Variants in SYT1 observed in about 807,000 individuals in gnomAD.
SYT1 encodes synaptotagmin-1.
SYT1 carries 8 observed loss-of-function variants against 44.8 expected under a neutral mutation model. That is an observed-to-expected ratio of 0.18 (90% CI 0.10 to 0.32). The LOEUF (loss-of-function observed/expected upper bound fraction) is 0.32. Among genes scored for constraint, SYT1 ranks in the 10% least tolerant of loss-of-function variants. The pLI, the probability that SYT1 is intolerant of heterozygous loss-of-function variation, is 1.00. For synonymous variants in SYT1, 154 were observed against 188.8 expected, an observed-to-expected ratio of 0.82 and a Z score of 1.51; for missense variants, 286 against 509.3, an observed-to-expected ratio of 0.56 and a Z score of 4.22.
intron 8 of SYT1, among the ~76,000 whole-genome samples, chr12:79,314,598 G>A (rs1013789775): frequency 1.3e-5 from 2 of 152,118 alleles, no homozygotes; most frequent in African/African-American, 4.8e-5. Flanking sequence ...TGAAAAAATT[G>A]GAATTCTTAT....
intron 3 of SYT1, among the ~76,000 whole-genome samples, chr12:79,053,765 A>T (rs1412177644): frequency 1.3e-5 from 2 of 151,756 alleles, no homozygotes; most frequent in Non-Finnish European, 2.9e-5. Context: ...TGTTTTTGTG[A>T]ACATTTGCCT....
intron 2 of SYT1, among the ~76,000 whole-genome samples, chr12:79,015,042 C>T (rs1592663742): frequency 2.6e-5 from 4 of 151,422 alleles, no homozygotes; most frequent in African/African-American, 9.7e-5. Flanking sequence ...AGGGGAACAT[C>T]ACACTCTGGG....
chr12:79,374,573 G>A (rs1883918692), intron 9 of SYT1, among the ~76,000 whole-genome samples: 1 of 152,096 alleles, frequency 6.6e-6, no homozygotes, highest in Non-Finnish European at 1.5e-5. Context: ...GATGTAAAGA[G>A]GCACTAAACC....
At chr12:78,867,714 T>C (rs1002730632) in intron 1 of SYT1, among the ~76,000 whole-genome samples, 8 of 152,028 alleles carry the variant, frequency 5.3e-5, no homozygotes, top group Non-Finnish European at 7.4e-5. Context: ...TGTTGCTGAG[T>C]AGTTTTGAAC....
At chr12:79,169,379 A>G (rs1213366856) in intron 3 of SYT1, among the ~76,000 whole-genome samples, 5 of 150,812 alleles carry the variant, frequency 3.3e-5, no homozygotes, top group Non-Finnish European at 7.5e-5. Context: ...GGTATGAAAA[A>G]TGCTTCAAAA....
chr12:79,418,909 C>A (rs1472363034), intron 9 of SYT1, among the ~76,000 whole-genome samples: 1 of 152,120 alleles, frequency 6.6e-6, no homozygotes, highest in Non-Finnish European at 1.5e-5. Flanking sequence ...CCTGAGGCCC[C>A]ACCCCAGAAC....
intron 1 of SYT1, among the ~76,000 whole-genome samples, chr12:78,927,679 T>C (rs997998687): frequency 6.6e-6 from 1 of 152,112 alleles, no homozygotes; most frequent in African/African-American, 2.4e-5. Flanking sequence ...AAGGAAAAAA[T>C]ATATTAGCTT....
At chr12:78,898,419 T>C (rs1294827884) in intron 1 of SYT1, among the ~76,000 whole-genome samples, 2 of 152,090 alleles carry the variant, frequency 1.3e-5, no homozygotes, top group Non-Finnish European at 2.9e-5. Flanking sequence ...TTCCTTTTGG[T>C]TATTTTATCA....
At chr12:79,064,971 A>AGAAAGAAAGAAAGAAAGAAGGAAG (rs1875704192) in intron 3 of SYT1, among the ~76,000 whole-genome samples, 6 of 149,232 alleles carry the variant, frequency 4.0e-5, no homozygotes, top group African/African-American at 1.5e-4. Context: ...AAAGAAAGAA[A>AGAAAGAAAGAAAGAAAGAAGGAAG]GAAAGAAAGA....
chr12:79,040,697 C>T (rs566456971), intron 2 of SYT1, among the ~76,000 whole-genome samples: 1 of 152,196 alleles, frequency 6.6e-6, no homozygotes, highest in East Asian at 1.9e-4. Context: ...AAGTCCTTGC[C>T]CATGCCTATG....
intron 9 of SYT1, among the ~76,000 whole-genome samples, chr12:79,399,958 A>G (rs1263964129): frequency 1.3e-5 from 2 of 152,238 alleles, no homozygotes; most frequent in African/African-American, 4.8e-5. Context: ...AGAAGCTTCT[A>G]GAGATCTTTA....
At chr12:79,122,289 C>T (rs1338148951) in intron 3 of SYT1, among the ~76,000 whole-genome samples, 1 of 151,380 alleles carries the variant, frequency 6.6e-6, no homozygotes, top group Non-Finnish European at 1.5e-5. Flanking sequence ...CCGAGGCGGG[C>T]GGATCACGAG....
At chr12:79,438,943 T>G (rs1262683116) in intron 9 of SYT1, among the ~76,000 whole-genome samples, 1 of 152,022 alleles carries the variant, frequency 6.6e-6, no homozygotes, top group Non-Finnish European at 1.5e-5. Flanking sequence ...AAACAGACAG[T>G]ATAGAGTTTT....
In SYT1 at chr12:78,997,892, C is replaced by A. The variant is rs148114817; in HGVS notation, c.-84+19961C>A. The stretch of plus-strand genomic sequence containing the variant: ...AGAAGTGAGACTGACTCCACAGTCA[C>A]CCCATCTTTCTCTTAGTGATCCTGG... On this transcript the variant is annotated intron_variant, in intron 2 of 10. Transcript: ENST00000261205. Among the ~76,000 whole-genome samples, 938 of 152,232 alleles carry A rather than the reference C, an allele frequency of 6.2e-3. 12 individuals carry two copies. Among genetic ancestry groups the A allele is most frequent in the African/African-American group, 0.022 (895 of 41,542 alleles).
At chr12:79,184,800 T>C (rs900574854) in intron 3 of SYT1, among the ~76,000 whole-genome samples, 12 of 152,190 alleles carry the variant, frequency 7.9e-5, no homozygotes, top group Middle Eastern at 3.4e-3. Flanking sequence ...AAATCTAATT[T>C]GCACCCCAGT....
chr12:79,405,151 A>G (rs2136122158), intron 9 of SYT1, among the ~76,000 whole-genome samples: 1 of 152,304 alleles, frequency 6.6e-6, no homozygotes, highest in African/African-American at 2.4e-5. Flanking sequence ...AGCATTTTCT[A>G]AAGTATTGGA....
At chr12:79,043,800 G>A (rs1329045749) in intron 2 of SYT1, among the ~76,000 whole-genome samples, 2 of 152,082 alleles carry the variant, frequency 1.3e-5, no homozygotes, top group Admixed American at 6.6e-5. Context: ...CTTCCTTCAG[G>A]AGCTCTTTTA....
At chr12:79,180,186 T>TA (rs1157134198) in intron 3 of SYT1, among the ~76,000 whole-genome samples, 1 of 130,558 alleles carries the variant, frequency 7.7e-6, no homozygotes, top group African/African-American at 3.1e-5. Context: ...TTGTCCTTCC[T>TA]AAAATAACCA....
At chr12:78,909,229 A>T (rs1045888825) in intron 1 of SYT1, among the ~76,000 whole-genome samples, 5 of 151,988 alleles carry the variant, frequency 3.3e-5, no homozygotes, top group Admixed American at 2.0e-4. Flanking sequence ...GTGTATGATT[A>T]GTTTAATTAC....
Sources: gnomAD v4.1 joint callset for allele counts (sites outside exome capture counted in the v4.1 genomes callset) on GRCh38, gnomAD v4.1.1 for gene constraint, MANE v1.5 for transcripts, NCBI Gene and HGNC (gene_info 2026-07-23, HGNC 2026-07-21) for gene names.